MARCHF3: variants seen among roughly 807,000 people sequenced by gnomAD.
MARCHF3 encodes the protein E3 ubiquitin-protein ligase MARCHF3.
In MARCHF3, 13 loss-of-function variants were observed where a neutral mutation model predicts 24.2. The observed-to-expected ratio is 0.54, with a 90% CI of 0.35 to 0.85. The LOEUF is 0.85. Ranked by LOEUF, MARCHF3 falls within the 40% of genes least tolerant of loss-of-function variation. MARCHF3 has a pLI of 0.01. For missense variants in MARCHF3, 276 were observed against 325.0 expected, an observed-to-expected ratio of 0.85 and a Z score of 1.16; for synonymous variants, 144 against 137.3, an observed-to-expected ratio of 1.05 and a Z score of -0.34.
intron 2 of MARCHF3, 57 bp from the exon 3 acceptor site, chr5:126,915,191 G>C: frequency 2.6e-6 from 4 of 1,555,890 alleles, no homozygotes; most frequent in Non-Finnish European, 3.5e-6. Flanking sequence ...CCACCAAGTG[G>C]ATGGCCCTCT....
At chr5:127,024,032 T>C (rs911460099) in intron 1 of MARCHF3, among the ~76,000 whole-genome samples, 19 of 152,036 alleles carry the variant, frequency 1.2e-4, no homozygotes, top group Non-Finnish European at 5.9e-5. Flanking sequence ...TTTCAAGATA[T>C]GACAAGGGGT....
intron 4 of MARCHF3, among the ~76,000 whole-genome samples, chr5:126,874,376 T>C (rs894704591): frequency 8.6e-5 from 13 of 151,908 alleles, no homozygotes; most frequent in African/African-American, 2.7e-4. Flanking sequence ...TCACCTGAGG[T>C]TGGGAGTTTG....
chr5:127,006,428 A>G (rs116065801), intron 1 of MARCHF3, among the ~76,000 whole-genome samples: 33 of 152,280 alleles, frequency 2.2e-4, no homozygotes, highest in Non-Finnish European at 3.5e-4. Context: ...TTTAGGCCAT[A>G]AATTCACACA....
chr5:126,996,252 T>A (rs1751944830), intron 1 of MARCHF3, among the ~76,000 whole-genome samples: 1 of 152,166 alleles, frequency 6.6e-6, no homozygotes, highest in Admixed American at 6.5e-5. Context: ...GGAGAGAAAG[T>A]GCTCCAAATG....
At chr5:126,895,042 C>G (rs577834698) in intron 3 of MARCHF3, among the ~76,000 whole-genome samples, 10 of 151,994 alleles carry the variant, frequency 6.6e-5, no homozygotes, top group Admixed American at 2.0e-4. Context: ...CTTCCCTTCT[C>G]GCTTCATTTC....
chr5:126,980,094 A>C (rs931290288), intron 1 of MARCHF3, among the ~76,000 whole-genome samples: 5 of 152,110 alleles, frequency 3.3e-5, no homozygotes, highest in Non-Finnish European at 7.4e-5. Flanking sequence ...CAGAGATGTC[A>C]CCACGAACAT....
At chr5:126,970,011 C>T (rs1750947279) in intron 1 of MARCHF3, among the ~76,000 whole-genome samples, 1 of 152,152 alleles carries the variant, frequency 6.6e-6, no homozygotes, top group South Asian at 2.1e-4. Context: ...ATCCCAATTT[C>T]ATTAAAATTT....
intron 1 of MARCHF3, among the ~76,000 whole-genome samples, chr5:126,973,794 A>T (rs577661779): frequency 6.6e-6 from 1 of 152,342 alleles, no homozygotes; most frequent in Admixed American, 6.5e-5. Context: ...GCCATAAAGA[A>T]CATTATTTTC....
intron 4 of MARCHF3, among the ~76,000 whole-genome samples, chr5:126,871,476 C>T (rs555710446): frequency 2.0e-5 from 3 of 152,320 alleles, no homozygotes; most frequent in Admixed American, 6.5e-5. Context: ...GTGCCTCAAG[C>T]TTACCCACAT....
rs1184543050 is a variant in MARCHF3 at position 126,888,890 on chromosome 5, G to A, written c.394-10496C>T. The stretch of plus-strand genomic sequence containing the variant: ...AGCTATTCTCGTGCCTCAGCCTCCT[G>A]AGTATCTGAGATTACACACATGCAC... On this transcript the variant is annotated intron_variant, in intron 3 of 4. Transcript: ENST00000308660. Among the ~76,000 whole-genome samples, 4 of 152,124 alleles carry A rather than the reference G, an allele frequency of 2.6e-5. No homozygotes were observed. In the East Asian group the frequency reaches 7.7e-4, roughly 29 times the overall value.
intron 1 of MARCHF3, among the ~76,000 whole-genome samples, chr5:126,955,660 C>T (rs541807389): frequency 7.9e-5 from 12 of 152,176 alleles, no homozygotes; most frequent in Admixed American, 2.6e-4. Flanking sequence ...GTAAGTTGTC[C>T]GTCTTTTTTA....
intron 1 of MARCHF3, among the ~76,000 whole-genome samples, chr5:126,941,010 T>A (rs905009912): frequency 5.0e-4 from 76 of 152,238 alleles, no homozygotes; most frequent in African/African-American, 1.8e-3. Flanking sequence ...TAAATGGAAG[T>A]CGGAAACTTT....
chr5:126,890,974 G>A (rs1479891411), intron 3 of MARCHF3, among the ~76,000 whole-genome samples: 4 of 149,916 alleles, frequency 2.7e-5, no homozygotes, highest in Admixed American at 1.3e-4. Flanking sequence ...TTTAATGATC[G>A]CCATTCTAAC....
At chr5:126,941,922 G>A (rs999919829) in intron 1 of MARCHF3, among the ~76,000 whole-genome samples, 9 of 152,126 alleles carry the variant, frequency 5.9e-5, no homozygotes, top group East Asian at 1.9e-4. Flanking sequence ...TCTAAGCAGC[G>A]CTGGGCAGTA....
intron 1 of MARCHF3, among the ~76,000 whole-genome samples, chr5:126,922,574 TCTCA>T (rs1422039324): frequency 6.6e-6 from 1 of 151,554 alleles, no homozygotes; most frequent in Non-Finnish European, 1.5e-5. Context: ...TGAGTCGGAG[TCTCA>T]CTCTGTCGCC....
chr5:126,924,080 C>T (rs1240666239), intron 1 of MARCHF3, among the ~76,000 whole-genome samples: 1 of 152,084 alleles, frequency 6.6e-6, no homozygotes, highest in Non-Finnish European at 1.5e-5. Flanking sequence ...TTCCCCAGAC[C>T]CTCACTGGGG....
chr5:126,935,111 A>G (rs1749600966), intron 1 of MARCHF3, among the ~76,000 whole-genome samples: 1 of 152,200 alleles, frequency 6.6e-6, no homozygotes, highest in South Asian at 2.1e-4. Flanking sequence ...GCACAGTGGT[A>G]TAGGTGTGAT....
chr5:126,998,829 G>A (rs1359640072), intron 1 of MARCHF3, among the ~76,000 whole-genome samples: 1 of 152,032 alleles, frequency 6.6e-6, no homozygotes, highest in Non-Finnish European at 1.5e-5. Context: ...AAAGATCTGT[G>A]GTAAAAAGAA....
intron 1 of MARCHF3, among the ~76,000 whole-genome samples, chr5:126,955,956 A>C (rs1265146118): frequency 6.6e-6 from 1 of 152,208 alleles, no homozygotes; most frequent in Non-Finnish European, 1.5e-5. Flanking sequence ...AATACATTTA[A>C]AATTATCCAT....
Sources: allele counts gnomAD v4.1 joint callset (sites outside exome capture counted in the v4.1 genomes callset), GRCh38; gene constraint gnomAD v4.1.1; transcripts MANE v1.5; gene names NCBI Gene and HGNC (gene_info 2026-07-23, HGNC 2026-07-21).